DAB1: variants seen among roughly 807,000 people sequenced by gnomAD.
DAB1 encodes the protein DAB adaptor protein 1.
Under a neutral mutation model 64.6 loss-of-function variants are expected in DAB1, and 15 were observed. The observed-to-expected ratio is 0.23, with a 90% CI of 0.16 to 0.36. DAB1 has a LOEUF of 0.36. Ranked by LOEUF, DAB1 falls within the 10% of genes least tolerant of loss-of-function variation. The pLI is 1.00. For missense variants in DAB1, 596 were observed against 706.7 expected (o/e 0.84, Z 1.78); for synonymous variants, 235 against 251.9 (o/e 0.93, Z 0.64).
intron 5 of DAB1, among the ~76,000 whole-genome samples, chr1:58,079,422 AG>A (rs1477127326): frequency 6.6e-6 from 1 of 152,044 alleles, no homozygotes; most frequent in Non-Finnish European, 1.5e-5. Context: ...TTCATGGGAC[AG>A]GGAAGTTTGT....
intron 2 of DAB1, among the ~76,000 whole-genome samples, chr1:58,507,788 T>C (rs967029837): frequency 1.1e-4 from 17 of 152,088 alleles, no homozygotes; most frequent in Admixed American, 7.2e-4. Flanking sequence ...TGCCCCTCAA[T>C]AATAGGTAAT....
intron 1 of DAB1, among the ~76,000 whole-genome samples, chr1:57,295,147 G>A (rs994968426): frequency 6.6e-6 from 1 of 152,070 alleles, no homozygotes; most frequent in East Asian, 1.9e-4. Flanking sequence ...TTTGGAACCA[G>A]ACAGAAGTGA....
intron 3 of DAB1, among the ~76,000 whole-genome samples, chr1:58,387,376 T>A (rs930495363): frequency 6.6e-5 from 10 of 152,088 alleles, no homozygotes; most frequent in African/African-American, 2.4e-4. Flanking sequence ...GGAGTACAGA[T>A]GTTTATATGT....
At chr1:58,187,013 A>AC (rs1288300806) in intron 4 of DAB1, among the ~76,000 whole-genome samples, 1 of 152,242 alleles carries the variant, frequency 6.6e-6, no homozygotes, top group Non-Finnish European at 1.5e-5. Context: ...GTGAACACAG[A>AC]AAGGAAGGGA....
At chr1:58,361,863 C>T (rs1288142595) in intron 3 of DAB1, among the ~76,000 whole-genome samples, 5 of 84,044 alleles carry the variant, frequency 5.9e-5, no homozygotes, top group Non-Finnish European at 8.3e-5. Context: ...AAAGATCCCC[C>T]TTTTTTTTTT....
chr1:57,025,729 T>A (rs1646763549), intron 10 of DAB1, among the ~76,000 whole-genome samples: 1 of 152,250 alleles, frequency 6.6e-6, no homozygotes. Flanking sequence ...AGGCAAGTCC[T>A]GTCATTGCTA....
chr1:58,542,956 T>C (rs1244105662), intron 1 of DAB1, among the ~76,000 whole-genome samples: 4 of 149,600 alleles, frequency 2.7e-5, no homozygotes, highest in Non-Finnish European at 5.9e-5. Context: ...AACAAAGCAA[T>C]ATGAAAGCAA....
chr1:57,296,339 A>G (rs1673190593), intron 1 of DAB1, among the ~76,000 whole-genome samples: 1 of 152,124 alleles, frequency 6.6e-6, no homozygotes, highest in Non-Finnish European at 1.5e-5. Flanking sequence ...ATATGCAACT[A>G]TTTCCTATCT....
intron 2 of DAB1, among the ~76,000 whole-genome samples, chr1:58,512,223 T>C (rs1402126616): frequency 6.6e-6 from 1 of 152,108 alleles, no homozygotes; most frequent in African/African-American, 2.4e-5. Context: ...ACCTGTTAGG[T>C]TATCTATCAT....
At chr1:58,298,452 G>A (rs752057166) in intron 4 of DAB1, among the ~76,000 whole-genome samples, 2 of 152,176 alleles carry the variant, frequency 1.3e-5, no homozygotes, top group Non-Finnish European at 2.9e-5. Context: ...ATGAGATGGG[G>A]TATAAACAAA....
At chr1:58,300,646 G>GAGAGAGAAAGGAAGGA (rs1662140791) in intron 4 of DAB1, among the ~76,000 whole-genome samples, 1 of 57,292 alleles carries the variant, frequency 1.7e-5, no homozygotes, top group Non-Finnish European at 3.5e-5. Flanking sequence ...GAGAGAGAGA[G>GAGAGAGAAAGGAAGGA]AGGAAGGAAG....
chr1:57,581,934 T>C (rs893002695), intron 7 of DAB1, among the ~76,000 whole-genome samples: 5 of 152,138 alleles, frequency 3.3e-5, no homozygotes, highest in African/African-American at 1.2e-4. Context: ...TCTCATAGTT[T>C]TTGAGGCTGG....
chr1:58,340,305 G>C (rs1643912949), intron 4 of DAB1, among the ~76,000 whole-genome samples: 1 of 152,094 alleles, frequency 6.6e-6, no homozygotes, highest in Admixed American at 6.6e-5. Context: ...CCGTTACTAG[G>C]ACAACAGTAG....
At chr1:58,073,862 G>A (rs1356179419) in intron 5 of DAB1, among the ~76,000 whole-genome samples, 1 of 152,158 alleles carries the variant, frequency 6.6e-6, no homozygotes, top group Non-Finnish European at 1.5e-5. Context: ...TTCAGAAGGT[G>A]AATGAATGGA....
rs544218070 is a variant in DAB1 at position 57,000,107 on chromosome 1, G to A, written c.*16-1979C>T. Among the ~76,000 whole-genome samples the A allele has an allele frequency of 3.4e-5, 5 of 146,390 alleles. No individual in the cohort carries two copies. In the South Asian group the frequency reaches 6.7e-4, roughly 20 times the overall value. On this transcript the variant is annotated intron_variant, in intron 14 of 14. Coordinates refer to ENST00000371236, the MANE Select transcript of DAB1 (RefSeq NM_001365792.1). ...CGCCCAGGCTAGAGTGCAGTGGCGCGATGTCGGCTCACTGCAAGCTTGGCC... is the reference window on the plus strand; with the variant it reads ...CGCCCAGGCTAGAGTGCAGTGGCGCAATGTCGGCTCACTGCAAGCTTGGCC...
chr1:57,279,416 A>G (rs1188758206), intron 2 of DAB1, among the ~76,000 whole-genome samples: 2 of 152,182 alleles, frequency 1.3e-5, no homozygotes, highest in African/African-American at 4.8e-5. Flanking sequence ...AATATTTTCT[A>G]TCCAATGTTG....
rs1491296848 is a variant in DAB1, at chr1:57,641,378, G to GTTTTTTTT, written n.625+8213_625+8214insAAAAAAAA. 4.8e-3 allele frequency among the ~76,000 whole-genome samples: 531 copies of GTTTTTTTT among 109,714 alleles called. 41 individuals carry two copies. Among genetic ancestry groups the GTTTTTTTT allele is most frequent in the African/African-American group, 0.011 (343 of 29,956 alleles). The allele number at this position is 109,714 out of a possible 152,430, so 72.0% of individuals were successfully genotyped here. ...TGCCCAGTTCCCTCTTTTTTTTGTT[G>GTTTTTTTT]GTTTTTTTTTTTTTTTTTTTTTTGA... On this transcript the variant is annotated intron_variant and non_coding_transcript_variant, in intron 7 of 20. Transcript: ENST00000485760.
At chr1:57,787,676 T>C (rs893350167) in intron 6 of DAB1, among the ~76,000 whole-genome samples, 2 of 152,076 alleles carry the variant, frequency 1.3e-5, no homozygotes, top group African/African-American at 4.8e-5. Flanking sequence ...TGAATTTCAC[T>C]AAAATTAAAA....
intron 3 of DAB1, among the ~76,000 whole-genome samples, chr1:58,483,897 T>G (rs1437936560): frequency 1.3e-5 from 2 of 152,156 alleles, no homozygotes; most frequent in Non-Finnish European, 2.9e-5. Flanking sequence ...GCTATATCAG[T>G]GTAGTGCCTA....
Sources: gnomAD v4.1 joint callset for allele counts (sites outside exome capture counted in the v4.1 genomes callset) on GRCh38, gnomAD v4.1.1 for gene constraint, MANE v1.5 for transcripts, NCBI Gene and HGNC (gene_info 2026-07-23, HGNC 2026-07-21) for gene names.